Variants in NF1 observed in about 807,000 individuals in gnomAD.
The protein encoded by NF1 is neurofibromin 1, also known as neurofibromin.
A neutral mutation model predicts 325.7 loss-of-function variants in NF1; 122 were observed. That is an observed-to-expected ratio of 0.37 (90% CI 0.32 to 0.44). The LOEUF is 0.44. Ranked by LOEUF, NF1 falls within the 20% of genes least tolerant of loss-of-function variation. The pLI is 1.00. For missense variants in NF1, 2,140 were observed against 3,415.4 expected (o/e 0.63, Z 9.31); for synonymous variants, 1,091 against 1,186.0 (o/e 0.92, Z 1.65).
At chr17:31,224,942 T>C in intron 16 of NF1, 153 bp from the exon 17 acceptor site, 1 of 731,094 alleles carries the variant, frequency 1.4e-6, no homozygotes, top group Non-Finnish European at 2.3e-6. Flanking sequence ...TTTGTTCTAA[T>C]GGGTTTCTAG....
rs1131691124 is a variant in NF1 at position 31,232,148 on chromosome 17, T to C, written c.3273T>C (p.Asp1091=). The change falls in exon 25 of 58, where the codon GAT becomes GAC. Residue 1091 remains aspartate, a synonymous_variant. Coordinates refer to ENST00000358273, the MANE Select transcript of NF1 (RefSeq NM_001042492.3). Reference sequence around the variant, plus strand: ...TCCCTCTGCAGCCTGAAGAAGGAGATGGTGTGGAATTGATGGAAGCCAAAT... The same window carrying C: ...TCCCTCTGCAGCCTGAAGAAGGAGACGGTGTGGAATTGATGGAAGCCAAAT... The part of the protein sequence containing the change: ...AGLPLQPEEG[D]GVELMEAKSQ... The C allele has an allele frequency of 1.9e-6, 3 of 1,608,160 alleles. No homozygotes were observed. The highest frequency in any genetic ancestry group is 1.7e-6 in the Non-Finnish European group (2 of 1,178,398).
At chr17:31,154,053 ATTTTTTTTTTTT>A (rs67332557) in intron 1 of NF1, among the ~76,000 whole-genome samples, 3 of 52,716 alleles carry the variant, frequency 5.7e-5, no homozygotes, top group African/African-American at 2.3e-4. Context: ...AGTTTCTTTG[ATTTTTTTTTTTT>A]TTTTTTTTTT....
chr17:31,341,286 A>C (rs1320167612), intron 47 of NF1, among the ~76,000 whole-genome samples: 5 of 152,018 alleles, frequency 3.3e-5, no homozygotes, highest in Admixed American at 1.3e-4. Flanking sequence ...GCACTTTGGG[A>C]GGCCAAGACA....
At chr17:31,174,098 G>A (rs2065977760) in intron 5 of NF1, among the ~76,000 whole-genome samples, 1 of 152,154 alleles carries the variant, frequency 6.6e-6, no homozygotes, top group Non-Finnish European at 1.5e-5. Context: ...AACAGGAGAA[G>A]TTCTTTGCCG....
At chr17:31,366,303 A>G (rs1388503394) in intron 57 of NF1, among the ~76,000 whole-genome samples, 1 of 152,110 alleles carries the variant, frequency 6.6e-6, no homozygotes, top group Non-Finnish European at 1.5e-5. Context: ...TACTGTTAGT[A>G]TTGGTGCGTG....
rs2069214000 is a variant in NF1, at chr17:31,322,102, C to CGTGTGTGT, written c.4836-3718_4836-3717insGTGTGTGT. Reference sequence around the variant, plus strand: ...GTGGTGTAGTGTGTGTATACACACACACACACACACACACACACACACACA... The same window carrying CGTGTGTGT: ...GTGGTGTAGTGTGTGTATACACACACGTGTGTGTACACACACACACACACACACACACA... On this transcript the variant is annotated intron_variant, in intron 36 of 57. Transcript: ENST00000358273. 2.1e-3 allele frequency among the ~76,000 whole-genome samples: 220 copies of CGTGTGTGT among 102,700 alleles called. 1 individual carries two copies. The highest frequency in any genetic ancestry group is 5.7e-3 in the African/African-American group (206 of 35,868). The allele number at this position is 102,700 out of a possible 152,430, so 67.4% of individuals were successfully genotyped here. A position where few individuals can be genotyped will look rare whatever the true frequency, so the allele number is the denominator to read the frequency against.
In NF1 at chr17:31,340,528, C is replaced by T. The variant is rs751893971; in HGVS notation, c.6945C>T (p.Leu2315=). The T allele has an allele frequency of 6.2e-7, 1 of 1,614,150 alleles. No homozygotes were observed. Among genetic ancestry groups the T allele is most frequent in the Non-Finnish European group, 8.5e-7 (1 of 1,180,006 alleles). Residue 2315 remains leucine, a synonymous_variant, in exon 47 of 58, where the codon CTC becomes CTT. Coordinates refer to ENST00000358273, the MANE Select transcript of NF1 (RefSeq NM_001042492.3). ...LNKDSPLHKA[L]FWVAVAVLQL... Reference sequence around the variant, plus strand: ...AGGACTCGCCTCTGCACAAAGCCCTCTTTTGGGTAGCTGTGGCTGTGCTGC... The same window carrying T: ...AGGACTCGCCTCTGCACAAAGCCCTTTTTTGGGTAGCTGTGGCTGTGCTGC...
At chr17:31,285,147 C>G (rs2068200187) in intron 36 of NF1, among the ~76,000 whole-genome samples, 1 of 151,752 alleles carries the variant, frequency 6.6e-6, no homozygotes, top group South Asian at 2.1e-4. Context: ...TGTGGTGGCA[C>G]ATGGCTATAG....
chr17:31,105,952 A>G (rs1912824466), intron 1 of NF1, among the ~76,000 whole-genome samples: 1 of 152,216 alleles, frequency 6.6e-6, no homozygotes, highest in Non-Finnish European at 1.5e-5. Flanking sequence ...GAAACTTTTA[A>G]GGATTATTTA....
rs980365875 is a variant in NF1, at chr17:31,326,317, G to T, written c.5268+65G>T. On this transcript the variant is annotated intron_variant, in intron 37 of 57. Coordinates refer to ENST00000358273, the MANE Select transcript of NF1 (RefSeq NM_001042492.3). ...TTCTTGACTAACTAGACTATATCCT[G>T]GCCTCCCTAGGTGTCCTACCCCTAT... 7 of 1,488,088 alleles carry T rather than the reference G, an allele frequency of 4.7e-6. No individual in the cohort carries two copies. In the African/African-American group the frequency reaches 9.7e-5, roughly 21 times the overall value. The allele number at this position is 1,488,088 out of a possible 1,614,324, so 92.2% of individuals were successfully genotyped here. A position where few individuals can be genotyped will look rare whatever the true frequency, so the allele number is the denominator to read the frequency against.
intron 11 of NF1, among the ~76,000 whole-genome samples, chr17:31,203,235 C>G (rs1171306373): frequency 6.6e-6 from 1 of 152,082 alleles, no homozygotes; most frequent in Non-Finnish European, 1.5e-5. Context: ...TCCTCTTCTA[C>G]TCTAATGAGC....
In NF1 at chr17:31,290,247, C is replaced by T. The variant is rs147883292; in HGVS notation, c.4835+24908C>T. On this transcript the variant is annotated intron_variant, in intron 36 of 57. Coordinates refer to ENST00000358273, the MANE Select transcript of NF1 (RefSeq NM_001042492.3). The stretch of plus-strand genomic sequence containing the variant: ...TTTTTTCTAATTAAATAGCCTTCCA[C>T]CTGAAGACTTACAAATATTTTTAAA... 6.7e-3 allele frequency among the ~76,000 whole-genome samples: 1,018 copies of T among 152,170 alleles called. 18 individuals carry two copies. Among genetic ancestry groups the T allele is most frequent in the African/African-American group, 0.023 (953 of 41,492 alleles).
chr17:31,153,773 A>AT (rs529461938), intron 1 of NF1, among the ~76,000 whole-genome samples: 2,012 of 125,810 alleles, frequency 0.016, 31 homozygotes, highest in Admixed American at 0.047. Context: ...CCAAGCCTAG[A>AT]TTTTTTTTTT....
Position 31,336,442 on chromosome 17 carries a change from C to T in NF1, c.6116C>T (p.Ala2039Val), listed in dbSNP as rs1555534614. 3.1e-6 allele frequency: 5 copies of T among 1,614,034 alleles called. No homozygotes were observed. Among genetic ancestry groups the T allele is most frequent in the Non-Finnish European group, 4.2e-6 (5 of 1,180,002 alleles). The change falls in exon 41 of 58, where the codon GCT becomes GTT. Residue 2039 changes from alanine to valine, a missense_variant. Physicochemically the swap from Ala to Val is moderately conservative, Grantham distance 64 (BLOSUM62 0). Around this residue, in one of 10 missense-constraint regions of NF1, gnomAD observed 180 missense variants for 435.1 expected, o/e 0.41. Coordinates refer to ENST00000358273, the MANE Select transcript of NF1 (RefSeq NM_001042492.3). This position sits in a 1 kb window ranked among gnomAD's most constrained non-coding sequence, Gnocchi z 5.5. ...EVMADTAVALASGNVKLVSSK... is the reference protein window; with the variant it reads ...EVMADTAVALVSGNVKLVSSK... The stretch of plus-strand genomic sequence containing the variant: ...ATGGCAGATACTGCTGTAGCTTTGG[C>T]TTCTGGAAATGTGAAATTGGTTTCA...
chr17:31,313,847 C>T (rs2151520583), intron 36 of NF1: 1 of 341,770 alleles, frequency 2.9e-6, no homozygotes, highest in Middle Eastern at 7.9e-4. Flanking sequence ...TAATTCTATG[C>T]AACAAAACCA....
intron 1 of NF1, among the ~76,000 whole-genome samples, chr17:31,110,245 T>C (rs2143289352): frequency 6.6e-6 from 1 of 152,184 alleles, no homozygotes; most frequent in South Asian, 2.1e-4. Flanking sequence ...ACTTTAAAAA[T>C]CAATACTAAA....
intron 5 of NF1, among the ~76,000 whole-genome samples, chr17:31,171,406 A>G (rs989176641): frequency 1.6e-4 from 25 of 152,220 alleles, no homozygotes; most frequent in African/African-American, 4.3e-4. Context: ...TATGAATTAA[A>G]GTTAAGAAGT....
chr17:31,107,808 G>A (rs1913002283), intron 1 of NF1, among the ~76,000 whole-genome samples: 1 of 151,906 alleles, frequency 6.6e-6, no homozygotes, highest in African/African-American at 2.4e-5. Context: ...TCCCAATGTT[G>A]TATGAGGGCA....
At chr17:31,182,989 T>G in intron 8 of NF1, 1 of 568,828 alleles carries the variant, frequency 1.8e-6, no homozygotes, top group Non-Finnish European at 3.1e-6. Flanking sequence ...TTGCCCTACT[T>G]GAGTTCATCA....
Sources: allele counts gnomAD v4.1 joint callset (sites outside exome capture counted in the v4.1 genomes callset), GRCh38; gene constraint gnomAD v4.1.1; regional missense constraint gnomAD v4.1.1; non-coding constraint Gnocchi (gnomAD v3.1); transcripts MANE v1.5; gene names NCBI Gene and HGNC (gene_info 2026-07-23, HGNC 2026-07-21).